Variants in CLVS1 observed in about 807,000 individuals in gnomAD.
CLVS1 encodes clavesin-1.
A neutral mutation model predicts 33.1 loss-of-function variants in CLVS1; 10 were observed. The observed-to-expected ratio is 0.30, with a 90% CI of 0.19 to 0.51. CLVS1 has a LOEUF of 0.51. Among genes scored for constraint, CLVS1 ranks in the 20% least tolerant of loss-of-function variants. CLVS1 has a pLI of 0.97. For synonymous variants in CLVS1, 163 were observed against 166.1 expected (o/e 0.98, Z 0.14); for missense variants, 343 against 433.4 (o/e 0.79, Z 1.85).
chr8:61,351,503 G>A (rs539643799), intron 2 of CLVS1, among the ~76,000 whole-genome samples: 8 of 152,092 alleles, frequency 5.3e-5, no homozygotes, highest in Non-Finnish European at 5.9e-5. Context: ...GGGAAAAGAG[G>A]GAGTGGAATG....
At chr8:61,121,359 G>A (rs1042498738) in intron 1 of CLVS1, among the ~76,000 whole-genome samples, 1 of 152,168 alleles carries the variant, frequency 6.6e-6, no homozygotes, top group Non-Finnish European at 1.5e-5. Flanking sequence ...GGGAGCTGTA[G>A]ACCAGAGCTG....
At chr8:61,015,770 T>C in the CLVS1 span, among the ~76,000 whole-genome samples, 13 of 152,250 alleles carry the variant, frequency 8.5e-5, no homozygotes, top group East Asian at 1.7e-3. Flanking sequence ...GAATATAAAA[T>C]GGGATGGCCA....
chr8:61,413,371 A>T (rs1000579696), intron 3 of CLVS1, among the ~76,000 whole-genome samples: 1 of 152,174 alleles, frequency 6.6e-6, no homozygotes, highest in Non-Finnish European at 1.5e-5. Context: ...AAGGTACCAG[A>T]TTCAAGAGGC....
chr8:60,987,433 G>T, the CLVS1 span, among the ~76,000 whole-genome samples: 1 of 152,172 alleles, frequency 6.6e-6, no homozygotes, highest in Non-Finnish European at 1.5e-5. Context: ...GATTGGCAGT[G>T]CTCTTGAGTT....
chr8:61,334,455 G>A (rs1035163218), intron 2 of CLVS1, among the ~76,000 whole-genome samples: 3 of 152,200 alleles, frequency 2.0e-5, no homozygotes, highest in East Asian at 1.9e-4. Context: ...TGGGAAGAGC[G>A]ATTCTTTGCA....
At chr8:61,235,062 C>T (rs1399911553) in intron 2 of CLVS1, among the ~76,000 whole-genome samples, 1 of 152,120 alleles carries the variant, frequency 6.6e-6, no homozygotes, top group Non-Finnish European at 1.5e-5. Context: ...ACCTAGTAGC[C>T]ACTTAAATAG....
At chr8:61,386,183 T>C (rs1814076447) in intron 3 of CLVS1, among the ~76,000 whole-genome samples, 1 of 152,194 alleles carries the variant, frequency 6.6e-6, no homozygotes, top group Non-Finnish European at 1.5e-5. Flanking sequence ...GGAGAACTTG[T>C]TAAAACCTTG....
intron 1 of CLVS1, among the ~76,000 whole-genome samples, chr8:61,113,269 G>A (rs556359544): frequency 3.9e-5 from 6 of 152,246 alleles, no homozygotes; most frequent in East Asian, 3.9e-4. Context: ...GAACAGCAGC[G>A]CAAAAATAGA....
chr8:61,455,773 T>C (rs1346243537), intron 4 of CLVS1, among the ~76,000 whole-genome samples: 1 of 152,188 alleles, frequency 6.6e-6, no homozygotes, highest in Non-Finnish European at 1.5e-5. Context: ...CACTAGGGAA[T>C]AGCTCTGAGT....
In CLVS1 at chr8:61,196,482, A is replaced by C. The variant is rs796772361; in HGVS notation, c.-152+64622A>C. Among the ~76,000 whole-genome samples, 14 of 152,310 alleles carry C rather than the reference A, an allele frequency of 9.2e-5. No homozygotes were observed. In the East Asian group the frequency reaches 1.5e-3, roughly 17 times the overall value. ...TGGAAACCCAACCAATATTGGCTTAATTAAAAAAAAATGGAATGTGTTTAT... is the reference window on the plus strand; with the variant it reads ...TGGAAACCCAACCAATATTGGCTTACTTAAAAAAAAATGGAATGTGTTTAT... On this transcript the variant is annotated intron_variant, in intron 2 of 2. Transcript: ENST00000522621.
chr8:61,153,590 G>A (rs1806587222), intron 2 of CLVS1, among the ~76,000 whole-genome samples: 2 of 152,182 alleles, frequency 1.3e-5, no homozygotes, highest in African/African-American at 4.8e-5. Flanking sequence ...AAGGGAAGCG[G>A]GAGAGCAGGT....
At chr8:61,255,690 A>G (rs1809063770) in intron 2 of CLVS1, among the ~76,000 whole-genome samples, 1 of 152,220 alleles carries the variant, frequency 6.6e-6, no homozygotes, top group Non-Finnish European at 1.5e-5. Flanking sequence ...TAGAGGAGGA[A>G]GAGAGGTCAA....
intron 1 of CLVS1, among the ~76,000 whole-genome samples, chr8:61,077,482 ATTATTATTATTG>A (rs1276872987): frequency 2.2e-4 from 26 of 117,666 alleles, no homozygotes; most frequent in African/African-American, 8.2e-4. Flanking sequence ...TATTATTATT[ATTATTATTATTG>A]AGACGGAGTC....
At chr8:61,272,790 T>C (rs1232755481) in intron 2 of CLVS1, among the ~76,000 whole-genome samples, 4 of 152,252 alleles carry the variant, frequency 2.6e-5, no homozygotes, top group Admixed American at 1.3e-4. Flanking sequence ...TCACATCGGC[T>C]CCTGAGGCTT....
At chr8:61,388,403 T>C (rs1434746247) in intron 3 of CLVS1, among the ~76,000 whole-genome samples, 1 of 151,288 alleles carries the variant, frequency 6.6e-6, no homozygotes, top group Non-Finnish European at 1.5e-5. Context: ...GTTTGTAATA[T>C]TTTTATAAAA....
chr8:61,472,224 T>A (rs2129607775), intron 5 of CLVS1, among the ~76,000 whole-genome samples: 1 of 152,366 alleles, frequency 6.6e-6, no homozygotes, highest in Non-Finnish European at 1.5e-5. Context: ...GTATTATATC[T>A]CCTTTCTGAA....
In CLVS1 at chr8:61,461,606, C is replaced by G. The variant is rs1034060487; in HGVS notation, c.977+3064C>G. ...TTTAATACTGCATGCCATTTTAGAA[C>G]ATGGATATACCACAGTTTATCCATC... is the stretch of plus-strand genomic sequence containing the variant. On this transcript the variant is annotated intron_variant, in intron 5 of 5. Coordinates refer to ENST00000325897, the MANE Select transcript of CLVS1 (RefSeq NM_173519.3). Among the ~76,000 whole-genome samples, 3 of 152,222 alleles carry G rather than the reference C, an allele frequency of 2.0e-5. No homozygotes were observed. In the South Asian group the frequency reaches 6.2e-4, roughly 31 times the overall value.
intron 2 of CLVS1, among the ~76,000 whole-genome samples, chr8:61,357,029 A>G (rs892801446): frequency 6.6e-6 from 1 of 152,210 alleles, no homozygotes; most frequent in Admixed American, 6.5e-5. Flanking sequence ...CATGATATTG[A>G]TTCTTCCTAC....
At chr8:61,310,601 G>T (rs945230450) in intron 2 of CLVS1, among the ~76,000 whole-genome samples, 1 of 152,194 alleles carries the variant, frequency 6.6e-6, no homozygotes, top group Non-Finnish European at 1.5e-5. Context: ...TAGCCCAAAA[G>T]ACAAATCCTG....
Sources: allele counts gnomAD v4.1 joint callset (sites outside exome capture counted in the v4.1 genomes callset), GRCh38; gene constraint gnomAD v4.1.1; transcripts MANE v1.5; gene names NCBI Gene and HGNC (gene_info 2026-07-23, HGNC 2026-07-21).